Variants in PCNX1 observed in about 807,000 individuals in gnomAD.
The protein encoded by PCNX1 is pecanex-like protein 1.
Under a neutral mutation model 242.2 loss-of-function variants are expected in PCNX1, and 78 were observed. That is an observed-to-expected ratio of 0.32 (90% CI 0.27 to 0.39). The LOEUF is 0.39. PCNX1 is among the 10% of genes least tolerant of loss of function. The pLI, the probability that PCNX1 is intolerant of heterozygous loss-of-function variation, is 1.00. For missense variants in PCNX1, 2,581 were observed against 2,856.5 expected (o/e 0.90, Z 2.20); for synonymous variants, 1,024 against 1,032.9 (o/e 0.99, Z 0.17).
intron 31 of PCNX1, 72 bp downstream of exon 31, chr14:71,102,292 T>TG (rs2062484566): frequency 9.5e-7 from 1 of 1,051,914 alleles, no homozygotes; most frequent in African/African-American, 1.6e-5. Flanking sequence ...TTTTTTTTTT[T>TG]GAGACAGAGT....
chr14:71,015,288 C>CT (rs961623743), intron 11 of PCNX1, among the ~76,000 whole-genome samples: 1 of 152,082 alleles, frequency 6.6e-6, no homozygotes, highest in African/African-American at 2.4e-5. Context: ...TGGTAAGTCA[C>CT]TATATGGATA....
At chr14:70,947,230 AGT>A (rs1359303872) in intron 2 of PCNX1, 107 bp downstream of exon 2, 9 of 831,182 alleles carry the variant, frequency 1.1e-5, no homozygotes, top group Middle Eastern at 4.6e-4. Context: ...GTTTTAAGGC[AGT>A]GTTAGATCTT....
At chr14:71,088,456 G>A (rs2062047899) in intron 29 of PCNX1, 26 bp downstream of exon 29, 1 of 1,377,698 alleles carries the variant, frequency 7.3e-7, no homozygotes, top group African/African-American at 1.4e-5. Flanking sequence ...CTGTTCTGAG[G>A]AAGAGAGCAT....
In PCNX1 at chr14:70,968,364, G is replaced by A. The variant is rs143384030; in HGVS notation, c.514+121G>A. The A allele has an allele frequency of 5.1e-6, 3 of 591,420 alleles. No individual in the cohort carries two copies. The African/African-American group carries it at 5.8e-5, about 11-fold the overall frequency. The allele number at this position is 591,420 out of a possible 1,614,324, so 36.6% of individuals were successfully genotyped here. On this transcript the variant is annotated intron_variant, in intron 4 of 35. Coordinates refer to ENST00000304743, the MANE Select transcript of PCNX1 (RefSeq NM_014982.3). ...AAATCATTCTTGAAATTCTTTTATA[G>A]ATAAAATTATTTATCTTATTAAAGG...
At chr14:71,073,334 T>C (rs2061633168) in intron 26 of PCNX1, among the ~76,000 whole-genome samples, 1 of 152,230 alleles carries the variant, frequency 6.6e-6, no homozygotes, top group Non-Finnish European at 1.5e-5. Flanking sequence ...CTAATGCTAA[T>C]GCACATTGTG....
rs74061485 is a variant in PCNX1, at chr14:70,915,924, G to A, written c.153+7921G>A. 8.6e-3 allele frequency among the ~76,000 whole-genome samples: 1,315 copies of A among 152,286 alleles called. 26 individuals are homozygous for A. Among genetic ancestry groups the A allele is most frequent in the African/African-American group, 0.03 (1,240 of 41,558 alleles). ...GGATTATCCTCAGAGCAGGAAGGAA[G>A]GAGGCAAGGATGAAGGGATAAAGGA... is the stretch of plus-strand genomic sequence containing the variant. On this transcript the variant is annotated intron_variant, in intron 1 of 35. Coordinates refer to ENST00000304743, the MANE Select transcript of PCNX1 (RefSeq NM_014982.3).
At chr14:71,107,821 T>G (rs910353041) in intron 33 of PCNX1, among the ~76,000 whole-genome samples, 1 of 152,224 alleles carries the variant, frequency 6.6e-6, no homozygotes, top group Middle Eastern at 3.2e-3. Context: ...AGTAGGGCCT[T>G]AATAAATATT....
intron 33 of PCNX1, among the ~76,000 whole-genome samples, chr14:71,107,869 T>G (rs2062666910): frequency 6.6e-6 from 1 of 152,224 alleles, no homozygotes; most frequent in Non-Finnish European, 1.5e-5. Flanking sequence ...ATTTATGGTA[T>G]ACAACATCAT....
chr14:70,993,261 C>T lies in PCNX1; in HGVS notation c.2445-2480C>T, dbSNP rs187789023. ...TCAGCCTCCCTAGTAGCTGGGATTACAGGCGCCCGCCACCATGCCCGGCTA... is the reference window on the plus strand; with the variant it reads ...TCAGCCTCCCTAGTAGCTGGGATTATAGGCGCCCGCCACCATGCCCGGCTA... On this transcript the variant is annotated intron_variant, in intron 7 of 35. Transcript: ENST00000304743. Among the ~76,000 whole-genome samples the T allele has an allele frequency of 8.6e-3, 1,308 of 151,448 alleles. 26 individuals carry two copies. Among genetic ancestry groups the T allele is most frequent in the African/African-American group, 0.03 (1,234 of 41,346 alleles).
intron 21 of PCNX1, 85 bp downstream of exon 21, chr14:71,047,190 A>T: frequency 1.2e-6 from 1 of 843,148 alleles, no homozygotes. Context: ...ATATTAAATA[A>T]TTGTTTCCTT....
chr14:71,074,990 CTTT>C (rs900279128), intron 27 of PCNX1, among the ~76,000 whole-genome samples: 14 of 101,094 alleles, frequency 1.4e-4, no homozygotes, highest in African/African-American at 3.1e-4. Context: ...CTTTTCTTCT[CTTT>C]TTTTTTTTTT....
intron 1 of PCNX1, among the ~76,000 whole-genome samples, chr14:70,919,019 T>C (rs1440302441): frequency 1.3e-5 from 2 of 152,026 alleles, no homozygotes; most frequent in Non-Finnish European, 2.9e-5. Context: ...TAGCTGGGAC[T>C]GCAGGCCTGT....
chr14:71,005,771 C>G (rs1486542855), intron 8 of PCNX1, among the ~76,000 whole-genome samples: 1 of 152,118 alleles, frequency 6.6e-6, no homozygotes, highest in Non-Finnish European at 1.5e-5. Context: ...ACTCATCTTC[C>G]TGTTGCTCAT....
In PCNX1 at chr14:71,009,617, A is replaced by G. The variant is rs369920478; in HGVS notation, c.2630-17A>G. The G allele has an allele frequency of 2.8e-6, 4 of 1,429,522 alleles. No homozygotes were observed. The African/African-American group carries it at 4.2e-5, about 15-fold the overall frequency. 88.6% of individuals were successfully genotyped at this position (1,429,522 alleles called of 1,614,324 possible). A position where few individuals can be genotyped will look rare whatever the true frequency, so the allele number is the denominator to read the frequency against. On this transcript the variant is annotated splice_polypyrimidine_tract_variant and intron_variant, in intron 8 of 35. Transcript: ENST00000304743. Reference sequence around the variant, plus strand: ...GAGTATTCTAATGGCTTTTTAAAATAATCATTTATTTGCTAGGTAAGTTCT... The same window carrying G: ...GAGTATTCTAATGGCTTTTTAAAATGATCATTTATTTGCTAGGTAAGTTCT...
chr14:71,036,242 G>A (rs978795788), intron 19 of PCNX1, 85 bp downstream of exon 19: 25 of 847,930 alleles, frequency 2.9e-5, no homozygotes, highest in Non-Finnish European at 4.2e-5. Flanking sequence ...GCAGTGTTGC[G>A]ATCACAGTTC....
At chr14:71,054,295 C>T (rs2061122243) in intron 24 of PCNX1, among the ~76,000 whole-genome samples, 1 of 152,120 alleles carries the variant, frequency 6.6e-6, no homozygotes, top group African/African-American at 2.4e-5. Flanking sequence ...AATTTTTTAA[C>T]ATTTTGTGTT....
intron 12 of PCNX1, among the ~76,000 whole-genome samples, chr14:71,020,368 A>G (rs1175587552): frequency 1.3e-5 from 2 of 152,180 alleles, no homozygotes; most frequent in Non-Finnish European, 2.9e-5. Context: ...ACTGTCTTTC[A>G]TAATGGTTGA....
At chr14:70,926,134 C>T (rs187457202) in intron 1 of PCNX1, among the ~76,000 whole-genome samples, 1 of 152,224 alleles carries the variant, frequency 6.6e-6, no homozygotes, top group African/African-American at 2.4e-5. Flanking sequence ...ACAGTGTTTT[C>T]CCAGGGATTT....
At chr14:71,091,614 T>C (rs1333674293) in intron 30 of PCNX1, among the ~76,000 whole-genome samples, 1 of 152,176 alleles carries the variant, frequency 6.6e-6, no homozygotes, top group Non-Finnish European at 1.5e-5. Flanking sequence ...AAAATATACA[T>C]AGATACTAGT....
Sources: allele counts gnomAD v4.1 joint callset (sites outside exome capture counted in the v4.1 genomes callset), GRCh38; gene constraint gnomAD v4.1.1; transcripts MANE v1.5; gene names NCBI Gene and HGNC (gene_info 2026-07-23, HGNC 2026-07-21).